ZC3H7A: variants seen among roughly 807,000 people sequenced by gnomAD.
The protein encoded by ZC3H7A is zinc finger CCCH domain-containing protein 7A.
Under a neutral mutation model 125.5 loss-of-function variants are expected in ZC3H7A, and 44 were observed. The ratio of observed to expected loss-of-function variants is 0.35; its 90% CI spans 0.28 to 0.45. The LOEUF (loss-of-function observed/expected upper bound fraction) is 0.45. Ranked by LOEUF, ZC3H7A falls within the 20% of genes least tolerant of loss-of-function variation. The pLI, the probability that ZC3H7A is intolerant of heterozygous loss-of-function variation, is 1.00. For missense variants in ZC3H7A, 977 were observed against 1,170.7 expected (o/e 0.83, Z 2.41); for synonymous variants, 399 against 391.2 (o/e 1.02, Z -0.23).
At chr16:11,787,887 A>G (rs2053283368) in intron 1 of ZC3H7A, among the ~76,000 whole-genome samples, 1 of 151,892 alleles carries the variant, frequency 6.6e-6, no homozygotes, top group African/African-American at 2.4e-5. Context: ...CAGAGGTTGC[A>G]CTGAGCCAAG....
At chr16:11,781,720 ACTT>A (rs1198804963) in intron 2 of ZC3H7A, among the ~76,000 whole-genome samples, 2 of 151,610 alleles carry the variant, frequency 1.3e-5, no homozygotes, top group African/African-American at 4.8e-5. Flanking sequence ...TTTCAAACCT[ACTT>A]CTATTTTTTA....
intron 1 of ZC3H7A, 185 bp from the exon 2 acceptor site, chr16:11,782,573 C>T (rs2053189649): frequency 4.1e-6 from 2 of 486,470 alleles, no homozygotes; most frequent in Non-Finnish European, 7.4e-6. Context: ...TGTGGTCCGG[C>T]ACACCATAAG....
At chr16:11,793,656 T>C (rs1243939792) in intron 1 of ZC3H7A, among the ~76,000 whole-genome samples, 2 of 152,176 alleles carry the variant, frequency 1.3e-5, no homozygotes, top group Non-Finnish European at 2.9e-5. Context: ...AGTTAAAGTA[T>C]CATTATTGTC....
intron 1 of ZC3H7A, among the ~76,000 whole-genome samples, chr16:11,791,088 A>AACACACACACACACACACACACAC (rs34972921): frequency 7.4e-6 from 1 of 136,016 alleles, no homozygotes; most frequent in African/African-American, 2.8e-5. Flanking sequence ...AAATTTTTAA[A>AACACACACACACACACACACACAC]ACACACACAC....
At position 11,767,557 on chromosome 16, in the gene ZC3H7A, G is replaced by A; in HGVS notation, c.1382C>T (p.Thr461Ile). 1 of 1,588,356 alleles carries A rather than the reference G, an allele frequency of 6.3e-7. No homozygotes were observed. Among genetic ancestry groups the A allele is most frequent in the Non-Finnish European group, 8.6e-7 (1 of 1,169,060 alleles). Residue 461 changes from threonine to isoleucine, a missense_variant, in exon 13 of 23, where the codon ACT becomes ATT. This residue lies in a region of ZC3H7A where 342 missense variants were observed against 311.3 expected (regional missense o/e 1.10). Transcript: ENST00000355758. ...CTTATGATCTATGTTAGCATGGTAA[G>A]TGAAATCCATTAACTTAGGGCCTGA... ...VKSGPKLMDF[T>I]YHANIDHKCK...
intron 20 of ZC3H7A, among the ~76,000 whole-genome samples, chr16:11,757,929 G>C (rs922738310): frequency 2.0e-5 from 3 of 152,174 alleles, no homozygotes; most frequent in Admixed American, 1.3e-4. Flanking sequence ...AAAAGTGAAA[G>C]GCTGTCTGCG....
At chr16:11,751,618 G>C in intron 22 of ZC3H7A, 112 bp from the exon 23 acceptor site, 5 of 1,071,426 alleles carry the variant, frequency 4.7e-6, no homozygotes, top group Non-Finnish European at 6.6e-6. Context: ...ACAACTTTTA[G>C]TTAGGAATCT....
chr16:11,770,524 C>T (rs1158871422), intron 10 of ZC3H7A, among the ~76,000 whole-genome samples: 2 of 152,186 alleles, frequency 1.3e-5, no homozygotes, highest in South Asian at 4.1e-4. Flanking sequence ...AAACAATAAA[C>T]TCCCAGCTTA....
chr16:11,768,471 C>T lies in ZC3H7A; in HGVS notation c.1204G>A (p.Glu402Lys). 1.3e-6 allele frequency: 2 copies of T among 1,493,418 alleles called. No homozygotes were observed. The highest frequency in any genetic ancestry group is 4.8e-5 in the East Asian group (2 of 41,764). The allele number at this position is 1,493,418 out of a possible 1,614,324, so 92.5% of individuals were successfully genotyped here. Residue 402 changes from glutamate (E) to lysine (K), a missense_variant, in exon 12 of 23, where the codon GAG (glutamate) becomes AAG (lysine). By Grantham distance (56) the Glu-to-Lys change is moderately conservative (BLOSUM62 1). This residue lies in a region of ZC3H7A where 342 missense variants were observed against 311.3 expected (regional missense o/e 1.10). Coordinates refer to ENST00000355758, the MANE Select transcript of ZC3H7A (RefSeq NM_014153.4). ...TGACTTGAAATTCCCAGGAAATTCT[C>T]TGAAGCAAACAAACTACCTGGTCCA... ...MNGPGSLFAS[E>K]NFLGISSQPR...
rs558167184 is a variant in ZC3H7A, at chr16:11,793,902, T to G, written c.-35+3222A>C. 2.0e-3 allele frequency among the ~76,000 whole-genome samples: 310 copies of G among 152,190 alleles called. 2 individuals are homozygous for G. The Middle Eastern group carries it at 0.034, about 17-fold the overall frequency. ...AATGTTACATTTTGGCTGGAGTTCT[T>G]CCCCCCACAGGAACTATTCACTTTG... On this transcript the variant is annotated intron_variant, in intron 1 of 22. Coordinates refer to ENST00000355758, the MANE Select transcript of ZC3H7A (RefSeq NM_014153.4).
chr16:11,773,107 C>A (rs964543274), intron 9 of ZC3H7A, among the ~76,000 whole-genome samples: 1 of 151,948 alleles, frequency 6.6e-6, no homozygotes, highest in Non-Finnish European at 1.5e-5. Flanking sequence ...ACAGACAGCA[C>A]ATAAAATGAA....
Position 11,761,996 on chromosome 16 carries a change from C to T in ZC3H7A, c.2127G>A (p.Lys709=). 1 of 1,612,718 alleles carries T rather than the reference C, an allele frequency of 6.2e-7. No individual in the cohort carries two copies. The highest frequency in any genetic ancestry group is 1.3e-5 in the African/African-American group (1 of 75,000). Residue 709 remains lysine, a synonymous_variant, in exon 18 of 23, where the codon AAG becomes AAA. Transcript: ENST00000355758. ...TTCTCAGACACTGGGCGCACACAAACTTTATCTTCATATTAAGAAATCCAG... is the reference window on the plus strand; with the variant it reads ...TTCTCAGACACTGGGCGCACACAAATTTTATCTTCATATTAAGAAATCCAG... ...IMPGFLNMKI[K]FVCAQCLRNG...
intron 18 of ZC3H7A, 125 bp from the exon 19 acceptor site, chr16:11,761,636 T>A: frequency 1.0e-6 from 1 of 965,762 alleles, no homozygotes; most frequent in Non-Finnish European, 1.5e-6. Context: ...CTAAAAGAAA[T>A]ACCTTATGAT....
At position 11,770,874 on chromosome 16, in the gene ZC3H7A, G is replaced by C; in HGVS notation, c.1017C>G (p.Pro339=). The C allele has an allele frequency of 6.2e-7, 1 of 1,614,198 alleles. No individual in the cohort carries two copies. The part of the protein sequence containing the change: ...LPIGARYAPP[P]SFSEFYPPLT... ...AAGGTGGATAAAATTCTGAGAAGGAGGGTGGAGGAGCATACCTCGCACCAA... is the reference window on the plus strand; with the variant it reads ...AAGGTGGATAAAATTCTGAGAAGGACGGTGGAGGAGCATACCTCGCACCAA... The change falls in exon 10 of 23, where the codon CCC becomes CCG. Residue 339 remains proline (P), a synonymous_variant. Coordinates refer to ENST00000355758, the MANE Select transcript of ZC3H7A (RefSeq NM_014153.4).
intron 9 of ZC3H7A, among the ~76,000 whole-genome samples, chr16:11,771,188 G>C (rs925069890): frequency 6.6e-6 from 1 of 152,078 alleles, no homozygotes; most frequent in African/African-American, 2.4e-5. Context: ...AGGAGTTCAA[G>C]ACCAGCCTGG....
chr16:11,765,585 G>A lies in ZC3H7A; in HGVS notation c.1623C>T (p.Phe541=). 1 of 1,614,172 alleles carries A rather than the reference G, an allele frequency of 6.2e-7. No individual in the cohort carries two copies. Among genetic ancestry groups the A allele is most frequent in the Non-Finnish European group, 8.5e-7 (1 of 1,180,018 alleles). ...TGCCGCCAAAGAAAGCCTCCCGGCT[G>A]AATGCTCCTTTCCGCTCCAGTGTCC... The part of the protein sequence containing the change: ...DVWTLERKGA[F]SREAFFGGNG... Residue 541 remains phenylalanine, a synonymous_variant, in exon 14 of 23, where the codon TTC becomes TTT. Coordinates refer to ENST00000355758, the MANE Select transcript of ZC3H7A (RefSeq NM_014153.4). This position sits in a 1 kb window ranked among gnomAD's most constrained non-coding sequence, Gnocchi z 4.8.
chr16:11,793,935 T>C (rs1211475550), intron 1 of ZC3H7A, among the ~76,000 whole-genome samples: 2 of 152,342 alleles, frequency 1.3e-5, no homozygotes, highest in Middle Eastern at 3.4e-3. Context: ...TTGAAATTGC[T>C]GTCAGATTTC....
At chr16:11,775,296 G>A (rs748911416) in intron 7 of ZC3H7A, among the ~76,000 whole-genome samples, 4 of 152,016 alleles carry the variant, frequency 2.6e-5, no homozygotes, top group Non-Finnish European at 5.9e-5. Context: ...GCTTGAACCC[G>A]GGAGGTGGAG....
chr16:11,766,839 C>T (rs1418149438), intron 13 of ZC3H7A, among the ~76,000 whole-genome samples: 3 of 151,966 alleles, frequency 2.0e-5, no homozygotes, highest in Admixed American at 6.6e-5. Context: ...GCCGAGATTG[C>T]GCCACTACAC....
Sources: allele counts gnomAD v4.1 joint callset (sites outside exome capture counted in the v4.1 genomes callset), GRCh38; gene constraint gnomAD v4.1.1; regional missense constraint gnomAD v4.1.1; non-coding constraint Gnocchi (gnomAD v3.1); transcripts MANE v1.5; gene names NCBI Gene and HGNC (gene_info 2026-07-23, HGNC 2026-07-21).